TMEM218: variants seen among roughly 807,000 people sequenced by gnomAD.
The protein encoded by TMEM218 is transmembrane protein 218.
In TMEM218, 8 loss-of-function variants were observed where a neutral mutation model predicts 10.0. The ratio of observed to expected loss-of-function variants is 0.80; its 90% CI spans 0.47 to 1.44. TMEM218 has a LOEUF of 1.44. Ranked by LOEUF, TMEM218 falls within the 40% of genes most tolerant of loss-of-function variation. The pLI is 0.00. For missense variants in TMEM218, 110 were observed against 140.1 expected, an observed-to-expected ratio of 0.79 and a Z score of 1.08; for synonymous variants, 66 against 63.5, an observed-to-expected ratio of 1.04 and a Z score of -0.18.
rs1040438431 is a variant in TMEM218 at position 125,099,645 on chromosome 11, T to G, written c.213+1556A>C. Among the ~76,000 whole-genome samples, 6 of 152,232 alleles carry G rather than the reference T, an allele frequency of 3.9e-5. No individual in the cohort carries two copies. In the South Asian group the frequency reaches 1.2e-3, roughly 32 times the overall value. On this transcript the variant is annotated intron_variant, in intron 4 of 4. Coordinates refer to ENST00000682305, the MANE Select transcript of TMEM218 (RefSeq NM_001258244.2). ...CCCCTTAAAAGACAAGGAAAGCAGCTGGGTGCGGTGGCTCACGTCTGTAAT... is the reference window on the plus strand; with the variant it reads ...CCCCTTAAAAGACAAGGAAAGCAGCGGGGTGCGGTGGCTCACGTCTGTAAT...
intron 3 of TMEM218, chr11:125,101,848 A>G (rs563545739): frequency 6.0e-6 from 3 of 499,748 alleles, no homozygotes; most frequent in East Asian, 6.7e-5. Context: ...AATCTGAACA[A>G]TTCATAAACA....
At position 125,109,300 on chromosome 11, in the gene TMEM218, C is replaced by T. The variant is rs542227739; in HGVS notation, c.-153+2239G>A. On this transcript the variant is annotated intron_variant, in intron 1 of 4. Coordinates refer to ENST00000682305, the MANE Select transcript of TMEM218 (RefSeq NM_001258244.2). Reference sequence around the variant, plus strand: ...AAACAGTAATATATATTGTTTCTGACGAACGTATATACAGCAAAAGTATAA... The same window carrying T: ...AAACAGTAATATATATTGTTTCTGATGAACGTATATACAGCAAAAGTATAA... Among the ~76,000 whole-genome samples, 12 of 151,894 alleles carry T rather than the reference C, an allele frequency of 7.9e-5. No individual in the cohort carries two copies. In the East Asian group the frequency reaches 1.9e-3, roughly 25 times the overall value.
chr11:125,104,019 G>C (rs1364409079), intron 1 of TMEM218: 1 of 152,212 alleles, frequency 6.6e-6, no homozygotes, highest in Non-Finnish European at 1.5e-5. Flanking sequence ...TCTTCTGACA[G>C]AAGCTCAAGG....
rs190538202 is a variant in TMEM218 at position 125,096,023 on chromosome 11, T to A, written c.*1583A>T. Among the ~76,000 whole-genome samples the A allele has an allele frequency of 2.0e-5, 3 of 152,332 alleles. No individual in the cohort carries two copies. In the East Asian group the frequency reaches 5.8e-4, roughly 29 times the overall value. Reference sequence around the variant, plus strand: ...CTCAATTCCCTCAAGACTTATGCATTCTTTTTTCTCTCCCTCAATCTGCTT... The same window carrying A: ...CTCAATTCCCTCAAGACTTATGCATACTTTTTTCTCTCCCTCAATCTGCTT... On this transcript the variant is annotated 3_prime_UTR_variant, in exon 5 of 5. Coordinates refer to ENST00000682305, the MANE Select transcript of TMEM218 (RefSeq NM_001258244.2).
Position 125,102,202 on chromosome 11 carries a change from T to G in TMEM218, c.40A>C (p.Ile14Leu). ...ACTGCCACCCAGAGCAGGGCTAAGA[T>G]GAACACGCCCGCACCGACTCCGAGC... Reference protein sequence around the residue: ...TVLGVGAGVFILALLWVAVLL... With the variant: ...TVLGVGAGVFLLALLWVAVLL... Residue 14 changes from isoleucine (I) to leucine (L), a missense_variant, in exon 3 of 5, where the codon ATC becomes CTC. Ile to Leu is a conservative substitution (Grantham distance 5, BLOSUM62 2). Transcript: ENST00000682305. 6.2e-7 allele frequency: 1 copy of G among 1,612,838 alleles called. No individual in the cohort carries two copies. Among genetic ancestry groups the G allele is most frequent in the Non-Finnish European group, 8.5e-7 (1 of 1,179,566 alleles).
rs1324594586 is a variant in TMEM218, at chr11:125,095,103, T to A, written c.*2503A>T. On this transcript the variant is annotated 3_prime_UTR_variant, in exon 5 of 5. Coordinates refer to ENST00000682305, the MANE Select transcript of TMEM218 (RefSeq NM_001258244.2). ...AAATTACCCATTGTGATCTCCATTG[T>A]GGGGATAGGGTGGTATCCTCCTAAT... 6.6e-6 allele frequency among the ~76,000 whole-genome samples: 1 copy of A among 152,234 alleles called. No individual in the cohort carries two copies. The highest frequency in any genetic ancestry group is 1.5e-5 in the Non-Finnish European group (1 of 68,044).
Position 125,102,312 on chromosome 11 carries a change from A to G in TMEM218, c.-71T>C, listed in dbSNP as rs14065. ...TCGAGTGTCCTCTGTGCTCCAGTGCAACACACTCCCGTGAAAGCATTCAGA... is the reference window on the plus strand; with the variant it reads ...TCGAGTGTCCTCTGTGCTCCAGTGCGACACACTCCCGTGAAAGCATTCAGA... On this transcript the variant is annotated 5_prime_UTR_variant, in exon 3 of 5. Coordinates refer to ENST00000682305, the MANE Select transcript of TMEM218 (RefSeq NM_001258244.2). 1,148,094 of 1,564,620 alleles carry G rather than the reference A, an allele frequency of 0.73. 422,809 individuals are homozygous for G. Among genetic ancestry groups the G allele is most frequent in the African/African-American group, 0.87 (64,477 of 73,730 alleles).
At chr11:125,101,336 T>C (rs759558592) in intron 3 of TMEM218, 33 bp from the exon 4 acceptor site, 5 of 1,593,948 alleles carry the variant, frequency 3.1e-6, no homozygotes, top group Non-Finnish European at 4.3e-6. Context: ...TTAAAAGCAC[T>C]GTCTATAATT....
chr11:125,106,913 A>T (rs1952317176), intron 1 of TMEM218, among the ~76,000 whole-genome samples: 1 of 152,180 alleles, frequency 6.6e-6, no homozygotes, highest in Admixed American at 6.5e-5. Flanking sequence ...ACCTTAAACA[A>T]TCCAAATATC....
At chr11:125,102,982 T>C in intron 1 of TMEM218, 173 bp from the exon 2 acceptor site, 1 of 245,570 alleles carries the variant, frequency 4.1e-6, no homozygotes, top group South Asian at 5.1e-5. Context: ...ATTAGTTTCC[T>C]AATTAGCAGC....
rs117401672 is a variant in TMEM218, at chr11:125,108,541, G to T, written c.-153+2998C>A. ...ACTTAGAATCACCATGAATGCAAAA[G>T]CTTCAAATGCAGACTATGCAGGTGT... On this transcript the variant is annotated intron_variant, in intron 1 of 4. Transcript: ENST00000682305. The surrounding 1 kb of genome is among the most constrained non-coding windows in gnomAD (Gnocchi z 5.3). 6.9e-3 allele frequency among the ~76,000 whole-genome samples: 1,058 copies of T among 152,284 alleles called. 4 individuals carry two copies. The highest frequency in any genetic ancestry group is 0.017 in the Middle Eastern group (5 of 294).
Position 125,110,850 on chromosome 11 carries a change from C to CCGGG in TMEM218, c.-153+688_-153+689insCCCG, listed in dbSNP as rs1953703584. On this transcript the variant is annotated intron_variant, in intron 1 of 4. Coordinates refer to ENST00000682305, the MANE Select transcript of TMEM218 (RefSeq NM_001258244.2). Reference sequence around the variant, plus strand: ...CTGTTTTCCAAACCTTCAAAAATAACGGGGGGGGGGGGTTACTTTCACACT... The same window carrying CCGGG: ...CTGTTTTCCAAACCTTCAAAAATAACCGGGGGGGGGGGGGGGTTACTTTCACACT... 2 of 51,242 alleles carry CCGGG rather than the reference C, an allele frequency of 3.9e-5. 1 individual carries two copies. 3.2% of individuals were successfully genotyped at this position (51,242 alleles called of 1,614,324 possible).
At chr11:125,107,727 T>C (rs570330715) in intron 1 of TMEM218, among the ~76,000 whole-genome samples, 4 of 152,038 alleles carry the variant, frequency 2.6e-5, no homozygotes, top group African/African-American at 7.2e-5. Flanking sequence ...AGTGTGTAGA[T>C]GTTTGCTAGC....
At position 125,094,528 on chromosome 11, in the gene TMEM218, A is replaced by G. The variant is rs1417547430; in HGVS notation, c.*3078T>C. ...GAAAGTCAAAAGTGATCTTTCAACTATTTGAGAAATGAGATGTCAGGAATC... is the reference window on the plus strand; with the variant it reads ...GAAAGTCAAAAGTGATCTTTCAACTGTTTGAGAAATGAGATGTCAGGAATC... On this transcript the variant is annotated 3_prime_UTR_variant, in exon 5 of 5. Transcript: ENST00000682305. 1.3e-5 allele frequency among the ~76,000 whole-genome samples: 2 copies of G among 152,248 alleles called. No individual in the cohort carries two copies. Among genetic ancestry groups the G allele is most frequent in the Admixed American group, 1.3e-4 (2 of 15,286 alleles).
intron 1 of TMEM218, chr11:125,110,571 A>G (rs1200689923): frequency 1.3e-5 from 2 of 152,298 alleles, no homozygotes; most frequent in Non-Finnish European, 2.9e-5. Flanking sequence ...AAAATACGGT[A>G]CTCATCACCA....
In TMEM218 at chr11:125,111,583, A is replaced by G. The variant is rs1954050002; in HGVS notation, c.-197T>C. The G allele has an allele frequency of 6.6e-6, 1 of 152,052 alleles. No individual in the cohort carries two copies. Among genetic ancestry groups the G allele is most frequent in the African/African-American group, 2.4e-5 (1 of 41,254 alleles). 9.4% of individuals were successfully genotyped at this position (152,052 alleles called of 1,614,324 possible). Reference sequence around the variant, plus strand: ...ATCCACTCTCCCCCAGGCTCTACTCACACCTCAGATTCCGGCGCGTTCCAG... The same window carrying G: ...ATCCACTCTCCCCCAGGCTCTACTCGCACCTCAGATTCCGGCGCGTTCCAG... On this transcript the variant is annotated 5_prime_UTR_variant, in exon 1 of 5. Coordinates refer to ENST00000682305, the MANE Select transcript of TMEM218 (RefSeq NM_001258244.2).
chr11:125,109,606 G>A (rs748778676), intron 1 of TMEM218, among the ~76,000 whole-genome samples: 3 of 152,186 alleles, frequency 2.0e-5, no homozygotes, highest in Non-Finnish European at 4.4e-5. Context: ...ATGGGCAGCA[G>A]GATGCATATG....
At chr11:125,105,840 G>T (rs1011523121) in intron 1 of TMEM218, among the ~76,000 whole-genome samples, 1 of 151,996 alleles carries the variant, frequency 6.6e-6, no homozygotes, top group Non-Finnish European at 1.5e-5. Flanking sequence ...CAAAGAATAC[G>T]CAAGGAAAAT....
intron 1 of TMEM218, among the ~76,000 whole-genome samples, chr11:125,111,164 AC>A (rs1306392673): frequency 6.6e-6 from 1 of 152,166 alleles, no homozygotes; most frequent in African/African-American, 2.4e-5. Context: ...CAGCCTGGGA[AC>A]ACCCCACTTG....
Sources: gnomAD v4.1 joint callset for allele counts (sites outside exome capture counted in the v4.1 genomes callset) on GRCh38, gnomAD v4.1.1 for gene constraint, Gnocchi (gnomAD v3.1) non-coding constraint, MANE v1.5 for transcripts, NCBI Gene and HGNC (gene_info 2026-07-23, HGNC 2026-07-21) for gene names.